GRM5: variants seen among roughly 807,000 people sequenced by gnomAD.
The protein encoded by GRM5 is metabotropic glutamate receptor 5.
In GRM5, 19 loss-of-function variants were observed where a neutral mutation model predicts 83.1. The ratio of observed to expected loss-of-function variants is 0.23; its 90% confidence interval spans 0.16 to 0.34. GRM5 has a LOEUF of 0.34. Ranked by LOEUF, GRM5 falls within the 10% of genes least tolerant of loss-of-function variation. GRM5 has a pLI of 1.00. For missense variants in GRM5, 1,160 were observed against 1,588.3 expected, an observed-to-expected ratio of 0.73 and a Z score of 4.58; for synonymous variants, 675 against 633.6, an observed-to-expected ratio of 1.07 and a Z score of -0.98.
At chr11:88,681,989 A>T (rs1940507166) in intron 3 of GRM5, among the ~76,000 whole-genome samples, 1 of 152,168 alleles carries the variant, frequency 6.6e-6, no homozygotes, top group Admixed American at 6.5e-5. Context: ...CTATACTACC[A>T]CACATTTAGC....
At chr11:88,865,899 A>C (rs1234040471) in intron 2 of GRM5, among the ~76,000 whole-genome samples, 1 of 152,194 alleles carries the variant, frequency 6.6e-6, no homozygotes, top group Non-Finnish European at 1.5e-5. Flanking sequence ...TTAAAAAGTC[A>C]GGAAACAACA....
chr11:88,875,467 T>C (rs1466852955), intron 2 of GRM5, among the ~76,000 whole-genome samples: 11 of 151,974 alleles, frequency 7.2e-5, no homozygotes, highest in African/African-American at 2.4e-4. Context: ...TCCATGAGGG[T>C]TGGAATCAAC....
intron 3 of GRM5, among the ~76,000 whole-genome samples, chr11:88,749,210 G>A (rs1425358032): frequency 6.6e-6 from 1 of 152,062 alleles, no homozygotes; most frequent in Non-Finnish European, 1.5e-5. Flanking sequence ...AAACAATAAA[G>A]GAGCTGATAG....
intron 2 of GRM5, among the ~76,000 whole-genome samples, chr11:89,003,421 T>A (rs913406116): frequency 6.6e-6 from 1 of 151,816 alleles, no homozygotes; most frequent in African/African-American, 2.4e-5. Context: ...GAGAGCAGGG[T>A]GAGGGGGGAA....
chr11:88,746,615 C>T (rs568348604), intron 3 of GRM5, among the ~76,000 whole-genome samples: 6 of 151,034 alleles, frequency 4.0e-5, no homozygotes, highest in East Asian at 3.9e-4. Context: ...TTCCAATATA[C>T]GAGCTGATTT....
intron 7 of GRM5, among the ~76,000 whole-genome samples, chr11:88,576,095 G>C (rs7931809): frequency 1.3e-5 from 2 of 151,948 alleles, no homozygotes; most frequent in Non-Finnish European, 2.9e-5. Context: ...ACTGCACATG[G>C]ATAAGAGTGG....
chr11:88,672,832 T>C (rs1940226407), intron 3 of GRM5, among the ~76,000 whole-genome samples: 1 of 151,986 alleles, frequency 6.6e-6, no homozygotes, highest in Non-Finnish European at 1.5e-5. Context: ...TGAGACAGAA[T>C]AAATCAATCA....
intron 8 of GRM5, among the ~76,000 whole-genome samples, chr11:88,535,438 G>T (rs1165130078): frequency 6.6e-6 from 1 of 152,226 alleles, no homozygotes; most frequent in East Asian, 1.9e-4. Context: ...AGGCATGAGA[G>T]AAGCTAAGCC....
chr11:88,876,712 A>C (rs1037414752), intron 2 of GRM5, among the ~76,000 whole-genome samples: 2 of 152,102 alleles, frequency 1.3e-5, no homozygotes, highest in Non-Finnish European at 2.9e-5. Flanking sequence ...GTCTCTGACA[A>C]CAGGGAAGCC....
intron 2 of GRM5, among the ~76,000 whole-genome samples, chr11:88,940,080 C>T (rs535186395): frequency 2.0e-5 from 3 of 152,038 alleles, no homozygotes; most frequent in Admixed American, 1.3e-4. Context: ...ACCTTAGTGG[C>T]CTAGTTTTAA....
intron 2 of GRM5, among the ~76,000 whole-genome samples, chr11:88,962,071 T>C (rs1320823133): frequency 2.0e-5 from 3 of 152,318 alleles, no homozygotes; most frequent in South Asian, 2.1e-4. Flanking sequence ...TAAACTGAGA[T>C]GCATAAGTAG....
intron 2 of GRM5, among the ~76,000 whole-genome samples, chr11:88,964,803 T>C (rs1258060564): frequency 6.7e-6 from 1 of 150,374 alleles, no homozygotes; most frequent in Non-Finnish European, 1.5e-5. Context: ...TTCTCAGCAA[T>C]AGACTTGGCC....
intron 4 of GRM5, among the ~76,000 whole-genome samples, chr11:88,611,874 C>G (rs1938327171): frequency 6.7e-6 from 1 of 149,054 alleles, no homozygotes; most frequent in South Asian, 2.1e-4. Flanking sequence ...TATAAACTTT[C>G]CTCCTAATAC....
chr11:88,557,341 CT>C (rs1310919368), intron 8 of GRM5, among the ~76,000 whole-genome samples: 27 of 152,044 alleles, frequency 1.8e-4, no homozygotes, highest in Non-Finnish European at 1.3e-4. Flanking sequence ...ATTATTAATC[CT>C]TATCATCATA....
At chr11:88,605,612 C>A (rs1361337087) in intron 4 of GRM5, among the ~76,000 whole-genome samples, 1 of 152,002 alleles carries the variant, frequency 6.6e-6, no homozygotes, top group South Asian at 2.1e-4. Flanking sequence ...ATGATTTGAA[C>A]ATGGAGCTTG....
At chr11:88,787,235 C>T (rs1943091108) in intron 3 of GRM5, among the ~76,000 whole-genome samples, 1 of 150,996 alleles carries the variant, frequency 6.6e-6, no homozygotes, top group Admixed American at 6.6e-5. Flanking sequence ...ATCCGACATC[C>T]AAGCATCACT....
chr11:88,905,898 A>T (rs1945394481), intron 2 of GRM5, among the ~76,000 whole-genome samples: 1 of 152,190 alleles, frequency 6.6e-6, no homozygotes, highest in South Asian at 2.1e-4. Context: ...AGAGAAACAT[A>T]TGCATTCTCT....
At chr11:88,580,264 G>A (rs1251851349) in intron 7 of GRM5, among the ~76,000 whole-genome samples, 1 of 152,188 alleles carries the variant, frequency 6.6e-6, no homozygotes, top group Non-Finnish European at 1.5e-5. Context: ...GAGATTAGGT[G>A]AGAGATCTGG....
chr11:88,540,400 GAAC>G (rs1335398034), intron 8 of GRM5, among the ~76,000 whole-genome samples: 4 of 152,148 alleles, frequency 2.6e-5, no homozygotes, highest in African/African-American at 9.7e-5. Flanking sequence ...ATTTTCACAA[GAAC>G]AAGATGAGAT....
Sources: allele counts gnomAD v4.1 joint callset (sites outside exome capture counted in the v4.1 genomes callset), GRCh38; gene constraint gnomAD v4.1.1; transcripts MANE v1.5; gene names NCBI Gene and HGNC (gene_info 2026-07-23, HGNC 2026-07-21).